Variants in PTPRD observed in about 807,000 individuals in gnomAD.
PTPRD encodes the protein protein tyrosine phosphatase receptor type D.
PTPRD carries 34 observed loss-of-function variants against 214.5 expected under a neutral mutation model. The observed-to-expected ratio is 0.16, with a 90% CI of 0.12 to 0.21. The LOEUF is 0.21. PTPRD is among the 10% of genes least tolerant of loss of function. The pLI is 1.00. For synonymous variants in PTPRD, 1,128 were observed against 845.7 expected, an observed-to-expected ratio of 1.33 and a Z score of -5.79; for missense variants, 2,545 against 2,398.7, an observed-to-expected ratio of 1.06 and a Z score of -1.27.
chr9:8,697,060 C>A (rs1210165516), intron 12 of PTPRD, among the ~76,000 whole-genome samples: 1 of 152,186 alleles, frequency 6.6e-6, no homozygotes, highest in Admixed American at 6.5e-5. Flanking sequence ...CCTATTTTTG[C>A]TTCCACTAAA....
chr9:9,904,095 T>A (rs2077014428), intron 5 of PTPRD, among the ~76,000 whole-genome samples: 1 of 152,112 alleles, frequency 6.6e-6, no homozygotes, highest in Non-Finnish European at 1.5e-5. Flanking sequence ...AGCTTGTTCC[T>A]TTTCATCATC....
chr9:9,578,090 T>C (rs2089581861), intron 7 of PTPRD, among the ~76,000 whole-genome samples: 1 of 147,374 alleles, frequency 6.8e-6, no homozygotes, highest in Admixed American at 6.8e-5. Context: ...GATATACTTC[T>C]CTCATTTGTA....
At chr9:9,066,775 G>A (rs1421643519) in intron 10 of PTPRD, among the ~76,000 whole-genome samples, 3 of 152,234 alleles carry the variant, frequency 2.0e-5, no homozygotes, top group African/African-American at 7.2e-5. Flanking sequence ...AAAGCTGGAA[G>A]ATAAACGGGA....
intron 11 of PTPRD, among the ~76,000 whole-genome samples, chr9:8,959,370 G>C (rs2099147504): frequency 6.6e-6 from 1 of 151,988 alleles, no homozygotes; most frequent in East Asian, 1.9e-4. Flanking sequence ...TATGAGTTGA[G>C]GAGAGCCAGG....
intron 7 of PTPRD, among the ~76,000 whole-genome samples, chr9:9,576,690 G>A (rs1209888482): frequency 1.3e-5 from 2 of 152,132 alleles, no homozygotes; most frequent in Non-Finnish European, 1.5e-5. Flanking sequence ...TATTACCATT[G>A]TAGAATAAAC....
chr9:9,205,276 A>T (rs1269570083), intron 9 of PTPRD, among the ~76,000 whole-genome samples: 1 of 152,186 alleles, frequency 6.6e-6, no homozygotes, highest in Admixed American at 6.5e-5. Context: ...AATTCAGACA[A>T]CTTAAACCAG....
intron 2 of PTPRD, among the ~76,000 whole-genome samples, chr9:10,499,758 A>ATTAAG (rs141516210): frequency 0.26 from 38,771 of 151,506 alleles, 5,250 homozygotes; most frequent in Middle Eastern, 0.42. Flanking sequence ...CATGTCCCAC[A>ATTAAG]TTAAGTTTCT....
At chr9:8,600,762 C>G (rs1047794106) in intron 14 of PTPRD, among the ~76,000 whole-genome samples, 7 of 151,822 alleles carry the variant, frequency 4.6e-5, no homozygotes, top group African/African-American at 1.7e-4. Flanking sequence ...GCAGTAATAC[C>G]CAGGTAATAT....
At chr9:8,940,035 T>C (rs1320400072) in intron 11 of PTPRD, among the ~76,000 whole-genome samples, 1 of 146,784 alleles carries the variant, frequency 6.8e-6, no homozygotes, top group African/African-American at 2.5e-5. Flanking sequence ...TAATTGTAGA[T>C]TATTTCTGTA....
intron 11 of PTPRD, among the ~76,000 whole-genome samples, chr9:8,771,076 G>A (rs913019992): frequency 9.9e-5 from 15 of 151,824 alleles, no homozygotes; most frequent in African/African-American, 3.6e-4. Flanking sequence ...AGCTACTTGG[G>A]AGGCTGAGGC....
chr9:10,367,558 C>T (rs915507117), intron 2 of PTPRD, among the ~76,000 whole-genome samples: 14 of 151,778 alleles, frequency 9.2e-5, no homozygotes, highest in Non-Finnish European at 2.1e-4. Context: ...AATAACAAGC[C>T]AAAAGCAAAA....
chr9:9,343,097 G>T (rs1020354984), intron 9 of PTPRD, among the ~76,000 whole-genome samples: 2 of 152,132 alleles, frequency 1.3e-5, no homozygotes, highest in African/African-American at 4.8e-5. Context: ...ATTCCATGAT[G>T]TATATGTGCC....
At chr9:9,045,265 C>T (rs1047356143) in intron 10 of PTPRD, among the ~76,000 whole-genome samples, 3 of 152,090 alleles carry the variant, frequency 2.0e-5, no homozygotes, top group African/African-American at 7.2e-5. Context: ...TTCAAAAAGG[C>T]TTCAAGGGTC....
chr9:8,951,431 A>G lies in PTPRD; in HGVS notation c.-104+67266T>C, dbSNP rs554316709. On this transcript the variant is annotated intron_variant, in intron 11 of 45. Transcript: ENST00000381196. ...TGTAGGTTATCTAATTGAAGCCAAT[A>G]TAATCTGTAGGCTGTTAACTTCAAG... Among the ~76,000 whole-genome samples the G allele has an allele frequency of 1.1e-3, 169 of 151,126 alleles. 1 individual carries two copies. Among genetic ancestry groups the G allele is most frequent in the African/African-American group, 4.0e-3 (164 of 41,130 alleles).
intron 11 of PTPRD, among the ~76,000 whole-genome samples, chr9:8,814,894 A>G (rs1157947297): frequency 6.6e-6 from 1 of 152,224 alleles, no homozygotes; most frequent in African/African-American, 2.4e-5. Flanking sequence ...TATAATGTGC[A>G]TTCACATAGC....
intron 9 of PTPRD, among the ~76,000 whole-genome samples, chr9:9,371,103 G>C (rs1328782178): frequency 6.6e-6 from 1 of 151,958 alleles, no homozygotes; most frequent in Non-Finnish European, 1.5e-5. Context: ...GCCAGCCTTT[G>C]GTATCAGGAT....
At chr9:8,868,475 A>G (rs964978725) in intron 11 of PTPRD, among the ~76,000 whole-genome samples, 4 of 152,140 alleles carry the variant, frequency 2.6e-5, no homozygotes, top group Non-Finnish European at 5.9e-5. Flanking sequence ...AAGTGCTGGG[A>G]TTACAGGCAT....
rs540860668 is a variant in PTPRD at position 10,423,189 on chromosome 9, G to A, written c.-599-82172C>T. On this transcript the variant is annotated intron_variant, in intron 2 of 45. Transcript: ENST00000381196. The stretch of plus-strand genomic sequence containing the variant: ...ATGAAGCTGGAAACCATCATTCTGA[G>A]TAAACTATCACAAGGACAGAAAACC... Among the ~76,000 whole-genome samples, 109 of 151,884 alleles carry A rather than the reference G, an allele frequency of 7.2e-4. 1 individual carries two copies. The highest frequency in any genetic ancestry group is 2.5e-3 in the African/African-American group (104 of 41,402).
intron 2 of PTPRD, among the ~76,000 whole-genome samples, chr9:10,503,145 T>C (rs1441530489): frequency 1.5e-5 from 2 of 129,282 alleles, no homozygotes; most frequent in Non-Finnish European, 3.1e-5. Flanking sequence ...AAAGAATGGT[T>C]ATCTGGAGAG....
Sources: gnomAD v4.1 joint callset for allele counts (sites outside exome capture counted in the v4.1 genomes callset) on GRCh38, gnomAD v4.1.1 for gene constraint, MANE v1.5 for transcripts, NCBI Gene and HGNC (gene_info 2026-07-23, HGNC 2026-07-21) for gene names.